The following PTPRQ variants were observed in gnomAD, a reference collection of about 807,000 sequenced individuals.
The protein encoded by PTPRQ is protein tyrosine phosphatase receptor type Q.
Under a neutral mutation model 246.0 loss-of-function variants are expected in PTPRQ, and 199 were observed. The observed-to-expected ratio is 0.81, with a 90% CI of 0.72 to 0.91. The LOEUF is 0.91. Ranked by LOEUF, PTPRQ falls within the 40% of genes least tolerant of loss-of-function variation. The pLI, the probability that PTPRQ is intolerant of heterozygous loss-of-function variation, is 0.00. For missense variants in PTPRQ, 2,624 were observed against 2,528.4 expected (o/e 1.04, Z -0.81); for synonymous variants, 869 against 853.2 (o/e 1.02, Z -0.32).
chr12:80,620,162 G>A lies in PTPRQ; in HGVS notation c.5398G>A (p.Asp1800Asn). The change falls in exon 32 of 45, where the codon GAT (aspartate) becomes AAT (asparagine). Residue 1800 changes from aspartate (D) to asparagine (N), a missense_variant. Transcript: ENST00000644991. ...VLVTETGAQH[D>N]GNVTKWYDAY... ...TTTGTTTCTGAAAACAGCTCAGCAT[G>A]ATGGAAATGTAACAAAGTGGTATGA... 1 of 1,544,444 alleles carries A rather than the reference G, an allele frequency of 6.5e-7. No homozygotes were observed. The highest frequency in any genetic ancestry group is 8.7e-7 in the Non-Finnish European group (1 of 1,143,468).
chr12:80,494,496 C>A (rs1894547570), intron 10 of PTPRQ, among the ~76,000 whole-genome samples: 1 of 151,940 alleles, frequency 6.6e-6, no homozygotes, highest in Non-Finnish European at 1.5e-5. Flanking sequence ...TTTATAATAT[C>A]TCAATTATAT....
Position 80,542,842 on chromosome 12 carries a change from T to C in PTPRQ, c.3834T>C (p.Phe1278=). 2 of 1,540,672 alleles carry C rather than the reference T, an allele frequency of 1.3e-6. No individual in the cohort carries two copies. The highest frequency in any genetic ancestry group is 1.8e-6 in the Non-Finnish European group (2 of 1,142,340). ...GTGGTATTGTTAAAGTATATAGTTT[T>C]AAAATTCATGAACATGAAACTGACA... is the stretch of plus-strand genomic sequence containing the variant. ...LPGGIVKVYS[F]KIHEHETDTI... is the part of the protein sequence containing the mutation. Residue 1278 remains phenylalanine, a synonymous_variant, in exon 23 of 45, where the codon TTT becomes TTC. Transcript: ENST00000644991.
chr12:80,481,021 T>C (rs1463296149), intron 8 of PTPRQ, among the ~76,000 whole-genome samples: 1 of 152,168 alleles, frequency 6.6e-6, no homozygotes, highest in Non-Finnish European at 1.5e-5. Flanking sequence ...CTAACTCATT[T>C]TATGAGGCCA....
chr12:80,524,296 G>T (rs1895612044), intron 17 of PTPRQ, among the ~76,000 whole-genome samples: 2 of 152,060 alleles, frequency 1.3e-5, no homozygotes, highest in Non-Finnish European at 2.9e-5. Flanking sequence ...ACAGAACACT[G>T]ATGAGACCTG....
Position 80,542,837 on chromosome 12 carries a change from A to T in PTPRQ, c.3829A>T (p.Ser1277Cys). ...PLPGGIVKVY[S>C]FKIHEHETDT... is the part of the protein sequence containing the mutation. ...TCCAGGTGGTATTGTTAAAGTATAT[A>T]GTTTTAAAATTCATGAACATGAAAC... The change falls in exon 23 of 45, where the codon AGT becomes TGT. Residue 1277 changes from serine to cysteine, a missense_variant. Transcript: ENST00000644991. 1 of 1,543,924 alleles carries T rather than the reference A, an allele frequency of 6.5e-7. No individual in the cohort carries two copies. Among genetic ancestry groups the T allele is most frequent in the Non-Finnish European group, 8.7e-7 (1 of 1,143,808 alleles).
chr12:80,570,273 T>G (rs1378473035), intron 25 of PTPRQ, among the ~76,000 whole-genome samples: 27 of 152,240 alleles, frequency 1.8e-4, no homozygotes, highest in Admixed American at 1.8e-3. Flanking sequence ...ATAATTGCCA[T>G]TCTAACTGGC....
Position 80,669,107 on chromosome 12 carries a change from T to A in PTPRQ, c.6293T>A (p.Leu2098Ter). The A allele has an allele frequency of 6.5e-7, 1 of 1,550,330 alleles. No homozygotes were observed. Among genetic ancestry groups the A allele is most frequent in the Non-Finnish European group, 8.7e-7 (1 of 1,146,016 alleles). ...RMVWETRAKT[L>*]VMLTQCFEKG... ...GTGTGGGAAACCAGAGCAAAAACAT[T>A]AGTAATGCTAACACAGTGTTTTGAA... The change falls in exon 40 of 45, where the codon TTA becomes TAA. Residue 2098 changes from leucine (L) to a stop codon, truncating the protein, a stop_gained. Transcript: ENST00000644991. LOFTEE classifies it high-confidence loss of function.
Position 80,546,565 on chromosome 12 carries a change from G to C in PTPRQ, c.3883G>C (p.Gly1295Arg). The change falls in exon 24 of 45, where the codon GGA becomes CGA. Residue 1295 changes from glycine (G) to arginine (R), a missense_variant. Coordinates refer to ENST00000644991, the MANE Select transcript of PTPRQ (RefSeq NM_001145026.2). ...TTTTTCTGTTTTTCAGAATATATCA[G>C]GATTTAAAACTGAAGCCAAACTTGT... The part of the protein sequence containing the change: ...TDTIYYKNIS[G>R]FKTEAKLVGL... 6.5e-7 allele frequency: 1 copy of C among 1,546,318 alleles called. No homozygotes were observed. The highest frequency in any genetic ancestry group is 8.7e-7 in the Non-Finnish European group (1 of 1,145,576).
In PTPRQ at chr12:80,495,076, G is replaced by A; in HGVS notation, c.1684G>A (p.Val562Ile). 6.4e-7 allele frequency: 1 copy of A among 1,550,478 alleles called. No individual in the cohort carries two copies. The highest frequency in any genetic ancestry group is 8.7e-7 in the Non-Finnish European group (1 of 1,146,200). Residue 562 changes from valine (V) to isoleucine (I), a missense_variant, in exon 11 of 45, where the codon GTT (valine) becomes ATT (isoleucine). Val to Ile is a conservative substitution (Grantham distance 29). Coordinates refer to ENST00000644991, the MANE Select transcript of PTPRQ (RefSeq NM_001145026.2). Reference sequence around the variant, plus strand: ...AGAAGGACCACCAACAGTTCTCAGTGTTAGGACACGTCAGCAAGGTAAGGA... The same window carrying A: ...AGAAGGACCACCAACAGTTCTCAGTATTAGGACACGTCAGCAAGGTAAGGA... ...MGEGPPTVLS[V>I]RTRQQVPSSI...
In PTPRQ at chr12:80,495,660, T is replaced by C. The variant is rs59090607; in HGVS notation, c.1882+289T>C. On this transcript the variant is annotated intron_variant, in intron 12 of 44. Transcript: ENST00000644991. ...GAATACTGTATCTGGTATATCAAAA[T>C]AACTCATTATTGAAGACTAAAATGT... 0.019 allele frequency among the ~76,000 whole-genome samples: 2,862 copies of C among 152,156 alleles called. 89 individuals carry two copies. The highest frequency in any genetic ancestry group is 0.066 in the African/African-American group (2,721 of 41,526).
chr12:80,629,154 A>T (rs1320454928), intron 33 of PTPRQ, among the ~76,000 whole-genome samples: 4 of 101,264 alleles, frequency 4.0e-5, no homozygotes, highest in African/African-American at 2.9e-4. Flanking sequence ...AGTGAGTGGC[A>T]CACACACACA....
intron 3 of PTPRQ, among the ~76,000 whole-genome samples, chr12:80,452,308 C>G (rs1892791930): frequency 6.6e-6 from 1 of 151,768 alleles, no homozygotes; most frequent in Admixed American, 6.6e-5. Flanking sequence ...TGGGTCTTGA[C>G]TCTTTATCCA....
In PTPRQ at chr12:80,678,604, ACAGTATATCTTTTTACAC is replaced by A; in HGVS notation, c.6746_6763del (p.Tyr2249_Gln2254del). Reference sequence around the variant, plus strand: ...ACCACTCTGTCTTTGGTGTCTAGGCACAGTATATCTTTTTACACCAGTGCATTCTGGATCTCTTATCAA... The same window carrying A: ...ACCACTCTGTCTTTGGTGTCTAGGCACAGTGCATTCTGGATCTCTTATCAA... On this transcript the variant is annotated inframe_deletion, in exon 44 of 45. Transcript: ENST00000644991. The A allele has an allele frequency of 6.5e-7, 1 of 1,546,820 alleles. No individual in the cohort carries two copies.
chr12:80,476,948 G>T (rs1386638511), intron 8 of PTPRQ, among the ~76,000 whole-genome samples: 3 of 152,144 alleles, frequency 2.0e-5, no homozygotes, highest in Non-Finnish European at 4.4e-5. Flanking sequence ...GAAAGTAGAG[G>T]TTGGAGGGAT....
At chr12:80,599,988 C>T (rs1898089737) in intron 26 of PTPRQ, among the ~76,000 whole-genome samples, 1 of 151,670 alleles carries the variant, frequency 6.6e-6, no homozygotes, top group South Asian at 2.1e-4. Context: ...GGATTCAACA[C>T]AGAAAACTTG....
At chr12:80,637,762 A>C (rs1163039) in intron 35 of PTPRQ, among the ~76,000 whole-genome samples, 53,737 of 152,088 alleles carry the variant, frequency 0.35, 14,789 homozygotes, top group African/African-American at 0.77. Context: ...TGTACATATG[A>C]GTGGATCCTG....
At chr12:80,528,752 C>A (rs1008005250) in intron 17 of PTPRQ, among the ~76,000 whole-genome samples, 10 of 152,196 alleles carry the variant, frequency 6.6e-5, no homozygotes, top group African/African-American at 2.4e-4. Flanking sequence ...AGGATGAAAT[C>A]TCTCTCTTTC....
intron 29 of PTPRQ, 26 bp downstream of exon 29, chr12:80,613,862 T>TA (rs1241231930): frequency 6.8e-7 from 1 of 1,468,296 alleles, no homozygotes; most frequent in Non-Finnish European, 9.0e-7. Context: ...TTCAGTTAAT[T>TA]ACCCAAATGA....
At chr12:80,479,336 T>C (rs1018831153) in intron 8 of PTPRQ, among the ~76,000 whole-genome samples, 1 of 151,484 alleles carries the variant, frequency 6.6e-6, no homozygotes, top group Non-Finnish European at 1.5e-5. Flanking sequence ...TGAGAGATTT[T>C]GTCACCACCA....
Sources: allele counts gnomAD v4.1 joint callset (sites outside exome capture counted in the v4.1 genomes callset), GRCh38; gene constraint gnomAD v4.1.1; transcripts MANE v1.5; gene names NCBI Gene and HGNC (gene_info 2026-07-23, HGNC 2026-07-21).